MED12L: variants seen among roughly 807,000 people sequenced by gnomAD.
MED12L encodes the protein mediator of RNA polymerase II transcription subunit 12-like protein.
Under a neutral mutation model 281.3 loss-of-function variants are expected in MED12L, and 60 were observed. The observed-to-expected ratio is 0.21, with a 90% CI of 0.17 to 0.26. The LOEUF (loss-of-function observed/expected upper bound fraction) is 0.26. Among genes scored for constraint, MED12L ranks in the 10% least tolerant of loss-of-function variants. The probability of loss-of-function intolerance (pLI) is 1.00; values close to 1 mark genes in which losing one functional copy is unlikely to be tolerated. For synonymous variants in MED12L, 974 were observed against 987.2 expected (o/e 0.99, Z 0.25); for missense variants, 2,146 against 2,680.9 (o/e 0.80, Z 4.41).
intron 16 of MED12L, among the ~76,000 whole-genome samples, chr3:151,279,573 A>C (rs1244413195): frequency 1.3e-5 from 2 of 152,218 alleles, no homozygotes; most frequent in African/African-American, 4.8e-5. Flanking sequence ...ACTCTTCTTC[A>C]GACCCCCAGC....
rs145396095 is a variant in MED12L at position 151,108,831 on chromosome 3, C to A, written c.100-7507C>A. Among the ~76,000 whole-genome samples the A allele has an allele frequency of 2.0e-5, 3 of 152,186 alleles. No homozygotes were observed. The South Asian group carries it at 6.2e-4, about 32-fold the overall frequency. ...TGTGCATTATCTGACTTTGAGATGG[C>A]CATTGAAAATTGTGTTAAACTGAGC... On this transcript the variant is annotated intron_variant, in intron 2 of 44. Coordinates refer to ENST00000687756, the MANE Select transcript of MED12L (RefSeq NM_001393769.1).
intron 16 of MED12L, among the ~76,000 whole-genome samples, chr3:151,239,659 T>G (rs2149371658): frequency 6.6e-6 from 1 of 152,326 alleles, no homozygotes; most frequent in South Asian, 2.1e-4. Flanking sequence ...ACAAAAGCTC[T>G]TTGAGGTCCT....
rs1719362361 is a variant in MED12L, at chr3:151,430,479, T to C, written c.6490+99T>C. 5 of 1,558,306 alleles carry C rather than the reference T, an allele frequency of 3.2e-6. No homozygotes were observed. In the South Asian group the frequency reaches 5.9e-5, roughly 18 times the overall value. ...CGGCTCTCCCAAGATGGTACCATCT[T>C]CCTCAGTACAATGTTCATGTTATTT... On this transcript the variant is annotated intron_variant, in intron 44 of 44. Coordinates refer to ENST00000687756, the MANE Select transcript of MED12L (RefSeq NM_001393769.1).
rs191638762 is a variant in MED12L, at chr3:151,336,608, T to C, written c.2251-13451T>C. On this transcript the variant is annotated intron_variant, in intron 16 of 44. Transcript: ENST00000687756. ...TTCCACATGTGTTATATGTTTTGTT[T>C]ATGTTAAAATAGCGAATATGCCTTG... 948 of 451,976 alleles carry C rather than the reference T, an allele frequency of 2.1e-3. 1 individual carries two copies. The highest frequency in any genetic ancestry group is 3.8e-3 in the Non-Finnish European group (865 of 225,332). 28.0% of individuals were successfully genotyped at this position (451,976 alleles called of 1,614,324 possible).
chr3:151,138,680 C>T (rs1460738166), intron 5 of MED12L, among the ~76,000 whole-genome samples: 3 of 152,098 alleles, frequency 2.0e-5, no homozygotes, highest in Non-Finnish European at 4.4e-5. Context: ...TGATATTTTT[C>T]TTATGGTTAG....
At chr3:151,360,919 A>G (rs1754527934) in intron 21 of MED12L, among the ~76,000 whole-genome samples, 1 of 152,140 alleles carries the variant, frequency 6.6e-6, no homozygotes, top group Admixed American at 6.6e-5. Flanking sequence ...TATATGTTGT[A>G]CAGACAGTGC....
intron 16 of MED12L, among the ~76,000 whole-genome samples, chr3:151,323,428 G>A (rs1749219783): frequency 6.6e-6 from 1 of 152,120 alleles, no homozygotes; most frequent in South Asian, 2.1e-4. Flanking sequence ...GTGCTTGGCT[G>A]TACAGTCCTG....
intron 16 of MED12L, among the ~76,000 whole-genome samples, chr3:151,236,538 TGTCTAAATG>T (rs1034147545): frequency 1.3e-5 from 2 of 152,208 alleles, no homozygotes; most frequent in African/African-American, 4.8e-5. Context: ...CAGCTGCTCT[TGTCTAAATG>T]GTCCATCCTC....
intron 42 of MED12L, among the ~76,000 whole-genome samples, chr3:151,413,962 G>C (rs190298037): frequency 8.6e-5 from 13 of 151,120 alleles, no homozygotes; most frequent in African/African-American, 3.2e-4. Context: ...TGATTCTCCT[G>C]CCTCAGCCTC....
At chr3:151,326,612 T>A (rs1749628415) in intron 16 of MED12L, 1 of 152,012 alleles carries the variant, frequency 6.6e-6, no homozygotes, top group Admixed American at 6.6e-5. Flanking sequence ...CAAAACAGAG[T>A]ATGGCATTTT....
At position 151,436,619 on chromosome 3, in the gene MED12L, G is replaced by A; in HGVS notation, c.*3815G>A. On this transcript the variant is annotated 3_prime_UTR_variant, in exon 45 of 45. Coordinates refer to ENST00000687756, the MANE Select transcript of MED12L (RefSeq NM_001393769.1). ...TATTCAAATTCATTTACATGCCTAT[G>A]GCTGCCTTTGATTAAACTTCTTCCA... The A allele has an allele frequency of 6.6e-6, 7 of 1,058,930 alleles. No homozygotes were observed. The highest frequency in any genetic ancestry group is 9.7e-6 in the Non-Finnish European group (7 of 718,990). The allele number at this position is 1,058,930 out of a possible 1,614,324, so 65.6% of individuals were successfully genotyped here.
chr3:151,348,741 CAGACCGACACAA>C, intron 16 of MED12L, among the ~76,000 whole-genome samples: 1 of 152,238 alleles, frequency 6.6e-6, no homozygotes, highest in East Asian at 1.9e-4. Flanking sequence ...CTGAGAAAGA[CAGACCGACACAA>C]AGACTGAGAG....
At chr3:151,227,831 T>C (rs533913866) in intron 16 of MED12L, among the ~76,000 whole-genome samples, 1 of 152,328 alleles carries the variant, frequency 6.6e-6, no homozygotes, top group East Asian at 1.9e-4. Flanking sequence ...AACTGTTTTT[T>C]TCGGTTTCAG....
At chr3:151,319,462 TGTGTGC>T (rs1206199328) in intron 16 of MED12L, among the ~76,000 whole-genome samples, 86 of 95,522 alleles carry the variant, frequency 9.0e-4, no homozygotes, top group African/African-American at 2.2e-3. Context: ...TGTGTGTGTG[TGTGTGC>T]GTGTGTGTGT....
rs201243430 is a variant in MED12L at position 151,388,189 on chromosome 3, A to G, written c.5451+17A>G. The stretch of plus-strand genomic sequence containing the variant: ...AGAGTTGATGTAAGTGGGGAAAGGA[A>G]GGAGAACCTTGGCTCATTAGCATTT... On this transcript the variant is annotated intron_variant, in intron 37 of 44. Transcript: ENST00000687756. The G allele has an allele frequency of 3.2e-6, 5 of 1,578,474 alleles. No individual in the cohort carries two copies. Among genetic ancestry groups the G allele is most frequent in the South Asian group, 1.1e-5 (1 of 87,552 alleles).
At chr3:151,291,854 A>G (rs1321620526) in intron 16 of MED12L, among the ~76,000 whole-genome samples, 2 of 152,214 alleles carry the variant, frequency 1.3e-5, no homozygotes, top group African/African-American at 2.4e-5. Flanking sequence ...GGTTTTTGTC[A>G]TATGACTTTT....
At chr3:151,152,890 C>T (rs1328580271) in intron 5 of MED12L, among the ~76,000 whole-genome samples, 1 of 152,204 alleles carries the variant, frequency 6.6e-6, no homozygotes, top group Non-Finnish European at 1.5e-5. Context: ...AGCCTCACTT[C>T]ATTTGGTGTG....
intron 38 of MED12L, among the ~76,000 whole-genome samples, chr3:151,394,295 A>G (rs569815258): frequency 2.8e-4 from 43 of 152,364 alleles, no homozygotes; most frequent in Non-Finnish European, 5.1e-4. Context: ...ACTTGGCAAA[A>G]TACATCACAA....
chr3:151,365,286 A>C, intron 22 of MED12L, 80 bp downstream of exon 22: 1 of 1,176,750 alleles, frequency 8.5e-7, no homozygotes, highest in Non-Finnish European at 1.3e-6. Context: ...TGTCGTTAGT[A>C]AGTGTCTGGA....
Sources: allele counts gnomAD v4.1 joint callset (sites outside exome capture counted in the v4.1 genomes callset), GRCh38; gene constraint gnomAD v4.1.1; transcripts MANE v1.5; gene names NCBI Gene and HGNC (gene_info 2026-07-23, HGNC 2026-07-21).